Variants in TSHZ2 observed in about 807,000 individuals in gnomAD.
TSHZ2 encodes teashirt zinc finger homeobox 2.
TSHZ2 carries 21 observed loss-of-function variants against 74.4 expected under a neutral mutation model. The ratio of observed to expected loss-of-function variants is 0.28; its 90% CI spans 0.20 to 0.41. The LOEUF is 0.41. Ranked by LOEUF, TSHZ2 falls within the 10% of genes least tolerant of loss-of-function variation. The pLI, the probability that TSHZ2 is intolerant of heterozygous loss-of-function variation, is 1.00. For synonymous variants in TSHZ2, 540 were observed against 515.3 expected (o/e 1.05, Z -0.65); for missense variants, 1,244 against 1,293.5 (o/e 0.96, Z 0.59).
intron 2 of TSHZ2, among the ~76,000 whole-genome samples, chr20:53,419,198 T>G (rs1028688934): frequency 2.0e-5 from 3 of 152,184 alleles, no homozygotes; most frequent in Non-Finnish European, 4.4e-5. Context: ...TCAAACCGCC[T>G]CAGACACATG....
intron 1 of TSHZ2, among the ~76,000 whole-genome samples, chr20:53,142,763 G>A (rs896164906): frequency 6.6e-6 from 1 of 151,652 alleles, no homozygotes; most frequent in Admixed American, 6.6e-5. Context: ...AAACCCTGGA[G>A]AGGCCAGGCC....
intron 2 of TSHZ2, among the ~76,000 whole-genome samples, chr20:53,365,039 A>T (rs1270872736): frequency 6.6e-6 from 1 of 152,254 alleles, no homozygotes; most frequent in Non-Finnish European, 1.5e-5. Context: ...GCAACAATGC[A>T]AGTGTGCAGA....
At chr20:52,978,881 T>C (rs1159967206) in intron 1 of TSHZ2, among the ~76,000 whole-genome samples, 1 of 152,240 alleles carries the variant, frequency 6.6e-6, no homozygotes, top group Non-Finnish European at 1.5e-5. Context: ...TATCCTTCTA[T>C]CTTTATAGAG....
chr20:53,057,164 C>T (rs1406553917), intron 1 of TSHZ2, among the ~76,000 whole-genome samples: 2 of 152,218 alleles, frequency 1.3e-5, no homozygotes, highest in Non-Finnish European at 2.9e-5. Context: ...CCTCCCCAGC[C>T]ATGTGGAACT....
At chr20:53,438,997 AAAC>A (rs1411444320) in intron 2 of TSHZ2, among the ~76,000 whole-genome samples, 1 of 152,208 alleles carries the variant, frequency 6.6e-6, no homozygotes, top group African/African-American at 2.4e-5. Context: ...CGCCTGAAGG[AAAC>A]AACAATTATT....
At chr20:53,354,023 C>T (rs1980752776) in intron 2 of TSHZ2, among the ~76,000 whole-genome samples, 1 of 152,126 alleles carries the variant, frequency 6.6e-6, no homozygotes, top group East Asian at 1.9e-4. Flanking sequence ...ACTGACTGAC[C>T]ATAATGGAAG....
chr20:53,092,848 G>A (rs1985925332), intron 1 of TSHZ2, among the ~76,000 whole-genome samples: 1 of 152,076 alleles, frequency 6.6e-6, no homozygotes, highest in Non-Finnish European at 1.5e-5. Context: ...TCTGTAAAAG[G>A]GCAGTGGATA....
intron 2 of TSHZ2, among the ~76,000 whole-genome samples, chr20:53,466,798 TG>T (rs1485280946): frequency 6.6e-6 from 1 of 152,238 alleles, no homozygotes; most frequent in Non-Finnish European, 1.5e-5. Context: ...TCCTGATCTT[TG>T]TGACCCTTTT....
intron 2 of TSHZ2, among the ~76,000 whole-genome samples, chr20:53,300,833 G>A (rs777580689): frequency 2.6e-5 from 4 of 152,182 alleles, no homozygotes; most frequent in Non-Finnish European, 5.9e-5. Context: ...AAAAGGGGTC[G>A]CAATTGGCAA....
intron 1 of TSHZ2, among the ~76,000 whole-genome samples, chr20:53,190,138 T>TATATATATATATATATATA (rs1568803559): frequency 1.7e-4 from 17 of 101,698 alleles, no homozygotes; most frequent in Admixed American, 3.1e-4. Context: ...TATATATATA[T>TATATATATATATATATATA]TTTCTTAAAT....
chr20:53,051,457 GCACACACACACACACACA>G (rs11474223), intron 1 of TSHZ2, among the ~76,000 whole-genome samples: 2 of 145,100 alleles, frequency 1.4e-5, no homozygotes, highest in Admixed American at 6.9e-5. Context: ...TGTGGCGCAC[GCACACACACACACACACA>G]CACACACACA....
intron 1 of TSHZ2, 117 bp downstream of exon 1, chr20:52,973,450 G>C: frequency 7.4e-7 from 1 of 1,346,566 alleles, no homozygotes; most frequent in Non-Finnish European, 1.0e-6. Flanking sequence ...AGTTTGCGCC[G>C]GGTGCCCTTC....
At chr20:53,134,724 A>G (rs1174986464) in intron 1 of TSHZ2, among the ~76,000 whole-genome samples, 2 of 152,172 alleles carry the variant, frequency 1.3e-5, no homozygotes, top group East Asian at 3.8e-4. Flanking sequence ...ATTTTACATA[A>G]TTACGATCAC....
chr20:53,104,269 G>A (rs1986300311), intron 1 of TSHZ2, among the ~76,000 whole-genome samples: 1 of 151,844 alleles, frequency 6.6e-6, no homozygotes, highest in African/African-American at 2.4e-5. Flanking sequence ...AGGTGGGAGG[G>A]TTGGACTCAC....
At position 53,488,849 on chromosome 20, in the gene TSHZ2, A is replaced by C. The variant is rs761227339; in HGVS notation, c.*1714A>C. 2.9e-6 allele frequency: 1 copy of C among 342,146 alleles called. No homozygotes were observed. The highest frequency in any genetic ancestry group is 4.0e-5 in the Admixed American group (1 of 24,850). The allele number at this position is 342,146 out of a possible 1,614,324, so 21.2% of individuals were successfully genotyped here. A position where few individuals can be genotyped will look rare whatever the true frequency, so the allele number is the denominator to read the frequency against. ...AACATTGGGATTAAAAAAAAAAAAA[A>C]ACTTCTTATTTACCTCCTAGGGAAA... On this transcript the variant is annotated 3_prime_UTR_variant, in exon 3 of 3. Coordinates refer to ENST00000371497, the MANE Select transcript of TSHZ2 (RefSeq NM_173485.6).
chr20:53,482,423 G>A (rs111789429), intron 2 of TSHZ2, among the ~76,000 whole-genome samples: 1,731 of 152,228 alleles, frequency 0.011, 39 homozygotes, highest in African/African-American at 0.04. Flanking sequence ...ATCCAAAAAA[G>A]CCAGATAACC....
chr20:53,144,523 A>G lies in TSHZ2; in HGVS notation c.41-108976A>G, dbSNP rs560681550. 3.3e-5 allele frequency among the ~76,000 whole-genome samples: 5 copies of G among 152,332 alleles called. No individual in the cohort carries two copies. The East Asian group carries it at 7.7e-4, about 23-fold the overall frequency. On this transcript the variant is annotated intron_variant, in intron 1 of 2. Transcript: ENST00000371497. ...AGTAATAACAGCAAACGCTTATACAATGTTTGCTATCTGCCAGTTATGGTT... is the reference window on the plus strand; with the variant it reads ...AGTAATAACAGCAAACGCTTATACAGTGTTTGCTATCTGCCAGTTATGGTT...
intron 2 of TSHZ2, among the ~76,000 whole-genome samples, chr20:53,452,673 A>G (rs1984847519): frequency 6.6e-6 from 1 of 152,026 alleles, no homozygotes; most frequent in Non-Finnish European, 1.5e-5. Context: ...CATTGACTTC[A>G]CATGCAAAAT....
intron 2 of TSHZ2, among the ~76,000 whole-genome samples, chr20:53,307,524 G>T (rs1386721157): frequency 6.6e-6 from 1 of 152,134 alleles, no homozygotes; most frequent in African/African-American, 2.4e-5. Context: ...CTCAGCCCTG[G>T]TCGCACATTA....
Sources: gnomAD v4.1 joint callset for allele counts (sites outside exome capture counted in the v4.1 genomes callset) on GRCh38, gnomAD v4.1.1 for gene constraint, MANE v1.5 for transcripts, NCBI Gene and HGNC (gene_info 2026-07-23, HGNC 2026-07-21) for gene names.